The following NDUFAF2 variants were observed in gnomAD, a reference collection of about 807,000 sequenced individuals.
NDUFAF2 encodes NADH dehydrogenase [ubiquinone] 1 alpha subcomplex assembly factor 2.
Under a neutral mutation model 22.8 loss-of-function variants are expected in NDUFAF2, and 13 were observed. The observed-to-expected ratio is 0.57, with a 90% CI of 0.37 to 0.91. NDUFAF2 has a LOEUF of 0.91. NDUFAF2 is among the 40% of genes least tolerant of loss of function. NDUFAF2 has a pLI of 0.01. For missense variants in NDUFAF2, 162 were observed against 195.2 expected, an observed-to-expected ratio of 0.83 and a Z score of 1.01; for synonymous variants, 53 against 64.2, an observed-to-expected ratio of 0.83 and a Z score of 0.84.
At chr5:60,969,000 A>G (rs1253741756) in intron 1 of NDUFAF2, among the ~76,000 whole-genome samples, 1 of 152,096 alleles carries the variant, frequency 6.6e-6, no homozygotes, top group Non-Finnish European at 1.5e-5. Flanking sequence ...CACTTTGCAT[A>G]ATGACCTCTG....
chr5:61,089,840 A>G (rs1752545775), intron 2 of NDUFAF2, among the ~76,000 whole-genome samples: 1 of 152,090 alleles, frequency 6.6e-6, no homozygotes, highest in Admixed American at 6.6e-5. Context: ...AGCTTTAGAA[A>G]ACATATAACA....
chr5:60,970,245 T>C (rs892435994), intron 1 of NDUFAF2, among the ~76,000 whole-genome samples: 12 of 152,322 alleles, frequency 7.9e-5, no homozygotes, highest in African/African-American at 2.6e-4. Context: ...GGATTGTTTT[T>C]CTGATTTCTG....
chr5:61,020,993 CTTTTTTTTT>C (rs35877702), intron 1 of NDUFAF2, among the ~76,000 whole-genome samples: 12 of 116,632 alleles, frequency 1.0e-4, no homozygotes, highest in African/African-American at 3.9e-4. Context: ...TGCGTCCAGC[CTTTTTTTTT>C]TTTTTTTTTT....
chr5:61,149,247 A>C (rs1047123966), intron 3 of NDUFAF2, among the ~76,000 whole-genome samples: 1 of 152,208 alleles, frequency 6.6e-6, no homozygotes, highest in African/African-American at 2.4e-5. Context: ...CTGGGATTAC[A>C]GTCGTGAGCC....
At chr5:60,963,444 A>G (rs561398951) in intron 1 of NDUFAF2, among the ~76,000 whole-genome samples, 1 of 152,302 alleles carries the variant, frequency 6.6e-6, no homozygotes, top group South Asian at 2.1e-4. Flanking sequence ...TCTCTCATCT[A>G]GAATTCATCT....
intron 3 of NDUFAF2, among the ~76,000 whole-genome samples, chr5:61,148,606 T>C (rs1741176058): frequency 6.6e-6 from 1 of 152,236 alleles, no homozygotes; most frequent in Non-Finnish European, 1.5e-5. Context: ...ATTATCTCCA[T>C]TTCACACAAC....
chr5:61,136,033 A>ATATATATATATATATATATATCTATATC (rs1740930419), intron 3 of NDUFAF2, among the ~76,000 whole-genome samples: 1 of 82,054 alleles, frequency 1.2e-5, no homozygotes, highest in African/African-American at 4.3e-5. Flanking sequence ...ATATATATAT[A>ATATATATATATATATATATATCTATATC]TATATATATC....
chr5:61,042,171 T>C (rs1751892151), intron 1 of NDUFAF2, among the ~76,000 whole-genome samples: 2 of 152,200 alleles, frequency 1.3e-5, no homozygotes, highest in Admixed American at 1.3e-4. Context: ...TTTAACCTTA[T>C]TCAAAATTCA....
intron 1 of NDUFAF2, among the ~76,000 whole-genome samples, chr5:61,024,165 A>G (rs899188987): frequency 3.9e-5 from 6 of 152,098 alleles, no homozygotes; most frequent in East Asian, 1.9e-4. Flanking sequence ...TTTTTTTAAC[A>G]TTGATGTAAT....
intron 1 of NDUFAF2, among the ~76,000 whole-genome samples, chr5:61,030,016 C>T (rs1751702648): frequency 6.6e-6 from 1 of 152,076 alleles, no homozygotes; most frequent in Non-Finnish European, 1.5e-5. Flanking sequence ...AGCGCCTGGA[C>T]ACCAGAGAAA....
intron 2 of NDUFAF2, among the ~76,000 whole-genome samples, chr5:61,089,384 A>G (rs1752540775): frequency 6.6e-6 from 1 of 152,162 alleles, no homozygotes; most frequent in Non-Finnish European, 1.5e-5. Context: ...ATAATTGGAT[A>G]ATGGTTCAGT....
intron 1 of NDUFAF2, among the ~76,000 whole-genome samples, chr5:61,047,941 G>A (rs930247748): frequency 2.0e-5 from 3 of 152,052 alleles, no homozygotes; most frequent in African/African-American, 7.2e-5. Flanking sequence ...TTACTTCATG[G>A]CAGATGGAAT....
chr5:61,071,423 G>A (rs977865394), intron 1 of NDUFAF2, among the ~76,000 whole-genome samples: 3 of 152,158 alleles, frequency 2.0e-5, no homozygotes, highest in Non-Finnish European at 4.4e-5. Context: ...ATATTACTAA[G>A]ATGGAAGAAA....
rs59521177 is a variant in NDUFAF2, at chr5:61,107,046, TACACAC to T, written c.258+8054_258+8059del. Among the ~76,000 whole-genome samples, 729 of 124,004 alleles carry T rather than the reference TACACAC, an allele frequency of 5.9e-3. 19 individuals carry two copies. Among genetic ancestry groups the T allele is most frequent in the African/African-American group, 0.015 (480 of 31,512 alleles). The allele number at this position is 124,004 out of a possible 152,430, so 81.4% of individuals were successfully genotyped here. The stretch of plus-strand genomic sequence containing the variant: ...TGATTTCCTTTCCTTTGGATAAATA[TACACAC>T]ACACACACACACACACACACACACA... On this transcript the variant is annotated intron_variant, in intron 3 of 3. Transcript: ENST00000296597.
chr5:61,002,739 G>A (rs1039368588), intron 1 of NDUFAF2, among the ~76,000 whole-genome samples: 1 of 152,020 alleles, frequency 6.6e-6, no homozygotes, highest in Non-Finnish European at 1.5e-5. Context: ...TGTGGGAGGG[G>A]GTTTGAGCTT....
At chr5:60,953,076 A>T (rs1750569420) in intron 1 of NDUFAF2, among the ~76,000 whole-genome samples, 1 of 152,252 alleles carries the variant, frequency 6.6e-6, no homozygotes, top group South Asian at 2.1e-4. Context: ...GGCCAAAAAT[A>T]TTCCAAATTT....
Position 61,035,424 on chromosome 5 carries a change from G to GTTTT in NDUFAF2, c.128-37676_128-37673dup, listed in dbSNP as rs768889484. 1.5e-3 allele frequency among the ~76,000 whole-genome samples: 61 copies of GTTTT among 40,522 alleles called. 12 individuals carry two copies. The highest frequency in any genetic ancestry group is 4.5e-3 in the African/African-American group (45 of 9,988). The allele number at this position is 40,522 out of a possible 152,430, so 26.6% of individuals were successfully genotyped here. ...GACAACTCTCTTTCTCTCTTGCTCT[G>GTTTT]TTTTTTTTTTTTTTTTTTTTTTTTT... On this transcript the variant is annotated intron_variant, in intron 1 of 3. Coordinates refer to ENST00000296597, the MANE Select transcript of NDUFAF2 (RefSeq NM_174889.5).
chr5:61,056,909 A>G (rs1358440952), intron 1 of NDUFAF2, among the ~76,000 whole-genome samples: 1 of 42,220 alleles, frequency 2.4e-5, no homozygotes, highest in Non-Finnish European at 4.2e-5. Context: ...AAAAAAAAAA[A>G]AAAAAAAAAA....
In NDUFAF2 at chr5:61,073,138, A is replaced by G. The variant is rs1752322078; in HGVS notation, c.141A>G (p.Arg47=). The G allele has an allele frequency of 6.2e-7, 1 of 1,610,396 alleles. No individual in the cohort carries two copies. The highest frequency in any genetic ancestry group is 8.5e-7 in the Non-Finnish European group (1 of 1,176,962). ...TTTGTCTTATAGGACAAACTATTCGAGAGAAAAGAATTGTAGAAGCAGCAA... is the reference window on the plus strand; with the variant it reads ...TTTGTCTTATAGGACAAACTATTCGGGAGAAAAGAATTGTAGAAGCAGCAA... ...QYKNWRGQTI[R]EKRIVEAANK... The change falls in exon 2 of 4, where the codon CGA becomes CGG. Residue 47 remains arginine, a synonymous_variant. Transcript: ENST00000296597.
Sources: allele counts gnomAD v4.1 joint callset (sites outside exome capture counted in the v4.1 genomes callset), GRCh38; gene constraint gnomAD v4.1.1; transcripts MANE v1.5; gene names NCBI Gene and HGNC (gene_info 2026-07-23, HGNC 2026-07-21).